The following NELL1 variants were observed in gnomAD, a reference collection of about 807,000 sequenced individuals.
NELL1 encodes protein kinase C-binding protein NELL1.
A neutral mutation model predicts 107.4 loss-of-function variants in NELL1; 76 were observed. That is an observed-to-expected ratio of 0.71 (90% confidence interval 0.59 to 0.86). The LOEUF (loss-of-function observed/expected upper bound fraction) is 0.86, where lower values mean the gene tolerates loss of function less well. Ranked by LOEUF, NELL1 falls within the 40% of genes least tolerant of loss-of-function variation. The probability of loss-of-function intolerance (pLI) is 0.00; values close to 1 mark genes in which losing one functional copy is unlikely to be tolerated. For synonymous variants in NELL1, 353 were observed against 341.2 expected (o/e 1.03, Z -0.38); for missense variants, 1,024 against 1,005.5 (o/e 1.02, Z -0.25).
intron 14 of NELL1, among the ~76,000 whole-genome samples, chr11:21,278,150 A>T (rs1848913075): frequency 6.6e-6 from 1 of 152,220 alleles, no homozygotes; most frequent in African/African-American, 2.4e-5. Flanking sequence ...CCTCAACTTG[A>T]TAAAGAACAT....
At chr11:21,514,282 C>A (rs1007361579) in intron 15 of NELL1, among the ~76,000 whole-genome samples, 1 of 152,044 alleles carries the variant, frequency 6.6e-6, no homozygotes, top group South Asian at 2.1e-4. Context: ...ATTTTTAATT[C>A]CAAATTTTGT....
intron 12 of NELL1, among the ~76,000 whole-genome samples, chr11:20,984,667 C>CA: frequency 6.6e-6 from 1 of 151,928 alleles, no homozygotes; most frequent in Admixed American, 6.6e-5. Flanking sequence ...ATGACTCCTA[C>CA]TGGATGCTGT....
At chr11:20,995,558 G>A (rs532408925) in intron 12 of NELL1, among the ~76,000 whole-genome samples, 237 of 151,504 alleles carry the variant, frequency 1.6e-3, no homozygotes, top group African/African-American at 5.2e-3. Context: ...AGCCTGAGCA[G>A]CAGAGCGAGA....
At chr11:21,396,618 G>T (rs952379761) in intron 15 of NELL1, among the ~76,000 whole-genome samples, 1 of 151,548 alleles carries the variant, frequency 6.6e-6, no homozygotes, top group Non-Finnish European at 1.5e-5. Context: ...GATAAGAGAG[G>T]CACATAAATA....
chr11:20,691,122 T>C (rs549942777), intron 2 of NELL1, among the ~76,000 whole-genome samples: 10 of 152,142 alleles, frequency 6.6e-5, no homozygotes, highest in African/African-American at 9.6e-5. Context: ...GTGATTTTTG[T>C]ACATTGATTT....
At chr11:20,796,231 T>C (rs570554480) in intron 3 of NELL1, among the ~76,000 whole-genome samples, 16 of 152,326 alleles carry the variant, frequency 1.1e-4, no homozygotes, top group South Asian at 6.2e-4. Flanking sequence ...AAACAATGAA[T>C]TGCCCAAATG....
At chr11:20,784,547 G>GA (rs36083030) in intron 3 of NELL1, among the ~76,000 whole-genome samples, 43,930 of 151,970 alleles carry the variant, frequency 0.29, 7,189 homozygotes, top group African/African-American at 0.44. Flanking sequence ...GGTGGGCGAT[G>GA]GGGCTGGTAT....
At chr11:21,038,701 A>G (rs564867574) in intron 12 of NELL1, among the ~76,000 whole-genome samples, 1 of 152,186 alleles carries the variant, frequency 6.6e-6, no homozygotes, top group South Asian at 2.1e-4. Context: ...ACACACTGAG[A>G]TATAATTTTG....
At chr11:21,052,586 T>C (rs1386596188) in intron 12 of NELL1, among the ~76,000 whole-genome samples, 1 of 151,934 alleles carries the variant, frequency 6.6e-6, no homozygotes, top group South Asian at 2.1e-4. Flanking sequence ...TATGAAGAAA[T>C]AGTGAGGAAG....
intron 2 of NELL1, among the ~76,000 whole-genome samples, chr11:20,727,093 A>G (rs866594175): frequency 1.3e-5 from 2 of 152,084 alleles, no homozygotes; most frequent in East Asian, 1.9e-4. Context: ...ATGATTTATA[A>G]TCCTTTGGGT....
chr11:20,847,838 A>G, intron 4 of NELL1, 85 bp downstream of exon 4: 1 of 1,408,326 alleles, frequency 7.1e-7, no homozygotes, highest in Admixed American at 2.3e-5. Context: ...TTCCTTCAAG[A>G]CTTGCCAGGA....
chr11:21,058,513 G>C lies in NELL1; in HGVS notation c.1301-55076G>C, dbSNP rs74722034. 9.9e-3 allele frequency among the ~76,000 whole-genome samples: 1,507 copies of C among 152,192 alleles called. 27 individuals carry two copies. Among genetic ancestry groups the C allele is most frequent in the African/African-American group, 0.033 (1,389 of 41,546 alleles). On this transcript the variant is annotated intron_variant, in intron 12 of 19. Transcript: ENST00000357134. The stretch of plus-strand genomic sequence containing the variant: ...GTGCATTTAGATGTATTATGGAAAT[G>C]GGGTGGGAGACTTTGTAGCATTTTA...
At position 21,501,040 on chromosome 11, in the gene NELL1, T is replaced by C. The variant is rs930652890; in HGVS notation, c.1646-33334T>C. Among the ~76,000 whole-genome samples, 5 of 152,172 alleles carry C rather than the reference T, an allele frequency of 3.3e-5. No homozygotes were observed. In the South Asian group the frequency reaches 6.2e-4, roughly 19 times the overall value. ...TGATGGTGGTAGAGAGTGTGTTTTGTAGTACTTACTGTCTGTGAATATTAT... is the reference window on the plus strand; with the variant it reads ...TGATGGTGGTAGAGAGTGTGTTTTGCAGTACTTACTGTCTGTGAATATTAT... On this transcript the variant is annotated intron_variant, in intron 15 of 19. Coordinates refer to ENST00000357134, the MANE Select transcript of NELL1 (RefSeq NM_006157.5).
At chr11:21,505,645 T>C (rs1035110278) in intron 15 of NELL1, among the ~76,000 whole-genome samples, 1 of 152,234 alleles carries the variant, frequency 6.6e-6, no homozygotes, top group African/African-American at 2.4e-5. Flanking sequence ...TTTAGCTTTG[T>C]CTGATAAAAT....
intron 2 of NELL1, among the ~76,000 whole-genome samples, chr11:20,692,000 G>T (rs1006596527): frequency 6.0e-4 from 91 of 151,936 alleles, no homozygotes; most frequent in Non-Finnish European, 1.1e-3. Context: ...ACTTCTTCCT[G>T]GTTTAGTCTT....
intron 14 of NELL1, among the ~76,000 whole-genome samples, chr11:21,342,654 A>T (rs1353954017): frequency 1.9e-4 from 26 of 138,238 alleles, no homozygotes; most frequent in Non-Finnish European, 3.2e-4. Context: ...AAAAAAAAAA[A>T]AAAAGAAAAA....
chr11:21,290,213 C>CA (rs1352115318), intron 14 of NELL1, among the ~76,000 whole-genome samples: 3 of 151,634 alleles, frequency 2.0e-5, no homozygotes, highest in Admixed American at 1.3e-4. Context: ...ACTAAAAATA[C>CA]AAAAAATTAG....
At chr11:21,520,028 C>T (rs1564937517) in intron 15 of NELL1, among the ~76,000 whole-genome samples, 1 of 152,134 alleles carries the variant, frequency 6.6e-6, no homozygotes, top group East Asian at 1.9e-4. Flanking sequence ...TTTGATCTGG[C>T]ACTAATAGGA....
intron 15 of NELL1, among the ~76,000 whole-genome samples, chr11:21,446,912 G>C (rs1853446388): frequency 6.6e-6 from 1 of 152,100 alleles, no homozygotes; most frequent in African/African-American, 2.4e-5. Context: ...TGGGAGCCAG[G>C]GCCCAGAGTC....
Sources: gnomAD v4.1 joint callset for allele counts (sites outside exome capture counted in the v4.1 genomes callset) on GRCh38, gnomAD v4.1.1 for gene constraint, MANE v1.5 for transcripts, NCBI Gene and HGNC (gene_info 2026-07-23, HGNC 2026-07-21) for gene names.